ARID1B: variants seen among roughly 807,000 people sequenced by gnomAD.
The protein encoded by ARID1B is AT-rich interactive domain-containing protein 1B.
ARID1B carries 30 observed loss-of-function variants against 212.3 expected under a neutral mutation model. The ratio of observed to expected loss-of-function variants is 0.14; its 90% CI spans 0.11 to 0.19. ARID1B has a LOEUF of 0.19. Ranked by LOEUF, ARID1B falls within the 10% of genes least tolerant of loss-of-function variation. The pLI is 1.00. For synonymous variants in ARID1B, 1,402 were observed against 1,301.7 expected (o/e 1.08, Z -1.66); for missense variants, 2,891 against 3,204.0 (o/e 0.90, Z 2.36).
intron 1 of ARID1B, among the ~76,000 whole-genome samples, chr6:156,819,828 C>T (rs2128010526): frequency 6.6e-6 from 1 of 152,252 alleles, no homozygotes; most frequent in East Asian, 1.9e-4. Flanking sequence ...GAGCTGAGTT[C>T]TGCAGGAGGA....
At chr6:157,065,281 A>C (rs896525170) in intron 4 of ARID1B, among the ~76,000 whole-genome samples, 1 of 152,230 alleles carries the variant, frequency 6.6e-6, no homozygotes. Flanking sequence ...TAGTAAGGTA[A>C]AATTGCCTCT....
intron 2 of ARID1B, among the ~76,000 whole-genome samples, chr6:156,878,317 C>G (rs1268298533): frequency 1.3e-5 from 2 of 152,128 alleles, no homozygotes; most frequent in African/African-American, 4.8e-5. Flanking sequence ...TGTTGGGAAG[C>G]TCACAGAATT....
intron 14 of ARID1B, 107 bp from the exon 15 acceptor site, chr6:157,189,931 A>T: frequency 6.3e-7 from 1 of 1,577,490 alleles, no homozygotes; most frequent in Non-Finnish European, 8.6e-7. Flanking sequence ...ATTTATCTTG[A>T]ATGGTTTTTG....
At chr6:157,084,442 C>A (rs1421377087) in intron 4 of ARID1B, among the ~76,000 whole-genome samples, 1 of 152,062 alleles carries the variant, frequency 6.6e-6, no homozygotes, top group East Asian at 1.9e-4. Flanking sequence ...AAGAGAAGTA[C>A]AACTTTACTC....
intron 1 of ARID1B, among the ~76,000 whole-genome samples, chr6:156,828,524 C>T (rs1782919119): frequency 6.6e-6 from 1 of 152,200 alleles, no homozygotes; most frequent in South Asian, 2.1e-4. Flanking sequence ...CCTAGCCCTC[C>T]TGTATGACCT....
At chr6:156,894,470 A>G (rs1010447554) in intron 2 of ARID1B, among the ~76,000 whole-genome samples, 2 of 152,190 alleles carry the variant, frequency 1.3e-5, no homozygotes, top group Non-Finnish European at 2.9e-5. Flanking sequence ...TAAAATGGTC[A>G]ATTTTGTGTA....
intron 4 of ARID1B, chr6:157,023,215 G>A (rs1237971983): frequency 6.6e-6 from 1 of 152,084 alleles, no homozygotes; most frequent in Admixed American, 6.6e-5. Flanking sequence ...TCCTCACTCC[G>A]GCGCTTCCTA....
intron 1 of ARID1B, among the ~76,000 whole-genome samples, chr6:156,784,689 C>T (rs1014760939): frequency 1.4e-4 from 21 of 152,184 alleles, no homozygotes; most frequent in African/African-American, 5.1e-4. Context: ...TGTAAGTTTT[C>T]ACTAAATATG....
intron 7 of ARID1B, among the ~76,000 whole-genome samples, chr6:157,135,337 C>G (rs187992962): frequency 6.6e-6 from 1 of 152,290 alleles, no homozygotes; most frequent in Admixed American, 6.5e-5. Flanking sequence ...TTTACTGTTA[C>G]GGTAGCCCAC....
At chr6:156,828,099 G>A (rs1782882862) in intron 1 of ARID1B, among the ~76,000 whole-genome samples, 1 of 140,378 alleles carries the variant, frequency 7.1e-6, no homozygotes, top group African/African-American at 2.7e-5. Context: ...GGGTCCCACT[G>A]TGTTACCCAG....
At chr6:156,823,688 G>GTTTTTTT (rs56983474) in intron 1 of ARID1B, among the ~76,000 whole-genome samples, 12 of 118,022 alleles carry the variant, frequency 1.0e-4, no homozygotes, top group African/African-American at 2.5e-4. Context: ...TTTCTTTGTT[G>GTTTTTTT]TTTTTTTTTT....
intron 4 of ARID1B, among the ~76,000 whole-genome samples, chr6:156,991,106 C>T (rs927474): frequency 1.1e-4 from 16 of 152,138 alleles, no homozygotes; most frequent in Non-Finnish European, 1.9e-4. Context: ...CTTGACTTGC[C>T]GACTGTTGCA....
Position 157,208,004 on chromosome 6 carries a change from C to T in ARID1B, c.*113C>T, listed in dbSNP as rs1352995725. 5 of 1,157,876 alleles carry T rather than the reference C, an allele frequency of 4.3e-6. No individual in the cohort carries two copies. The highest frequency in any genetic ancestry group is 5.7e-6 in the Non-Finnish European group (5 of 875,910). 71.7% of individuals were successfully genotyped at this position (1,157,876 alleles called of 1,614,324 possible). Reference sequence around the variant, plus strand: ...AAGAAGGAAAAGAAAATCTTTGCTCCTCTGCCCCATTCACTATTTACCAAT... The same window carrying T: ...AAGAAGGAAAAGAAAATCTTTGCTCTTCTGCCCCATTCACTATTTACCAAT... On this transcript the variant is annotated 3_prime_UTR_variant, in exon 20 of 20. Coordinates refer to ENST00000636930, the MANE Select transcript of ARID1B (RefSeq NM_001374828.1).
intron 4 of ARID1B, among the ~76,000 whole-genome samples, chr6:157,072,918 T>G (rs1332359854): frequency 1.3e-5 from 2 of 152,186 alleles, no homozygotes; most frequent in Admixed American, 1.3e-4. Flanking sequence ...CCTGGGCTGG[T>G]TCCCTTCTCT....
Position 156,778,168 on chromosome 6 carries a change from CCCACCAGCAGCA to C in ARID1B, c.495_506del (p.Gln165_His168del), listed in dbSNP as rs764476277. On this transcript the variant is annotated inframe_deletion, in exon 1 of 20. Transcript: ENST00000636930. ...GTTGGCGAAGCCCCCGCCGCGCCGCCCCACCAGCAGCACCACCACCACCACCATGCCCACCAC... is the reference window on the plus strand; with the variant it reads ...GTTGGCGAAGCCCCCGCCGCGCCGCCCCACCACCACCACCATGCCCACCAC... 12 of 1,542,256 alleles carry C rather than the reference CCCACCAGCAGCA, an allele frequency of 7.8e-6. No homozygotes were observed. The highest frequency in any genetic ancestry group is 5.9e-5 in the Admixed American group (3 of 50,968).
chr6:157,022,192 G>T (rs1780353013), intron 4 of ARID1B: 1 of 151,356 alleles, frequency 6.6e-6, no homozygotes, highest in African/African-American at 2.4e-5. Context: ...GGGCCGGCGG[G>T]AGGTGGGCGG....
In ARID1B at chr6:156,906,546, CAAAAAAAAAAAAAAAA is replaced by C. The variant is rs55660810; in HGVS notation, c.2136+5035_2136+5050del. Among the ~76,000 whole-genome samples, 14 of 39,680 alleles carry C rather than the reference CAAAAAAAAAAAAAAAA, an allele frequency of 3.5e-4. No homozygotes were observed. The East Asian group carries it at 5.7e-3, about 16-fold the overall frequency. 26.0% of individuals were successfully genotyped at this position (39,680 alleles called of 152,430 possible). A position where few individuals can be genotyped will look rare whatever the true frequency, so the allele number is the denominator to read the frequency against. On this transcript the variant is annotated intron_variant, in intron 3 of 19. Transcript: ENST00000636930. ...GGCAACAAGAGCGAAACTCCATCTCCAAAAAAAAAAAAAAAAAAAAAAAAAAAAAGCACCAGCCACT... is the reference window on the plus strand; with the variant it reads ...GGCAACAAGAGCGAAACTCCATCTCCAAAAAAAAAAAAAGCACCAGCCACT...
At chr6:157,174,581 C>T (rs925980244) in intron 10 of ARID1B, among the ~76,000 whole-genome samples, 4 of 151,294 alleles carry the variant, frequency 2.6e-5, no homozygotes, top group Non-Finnish European at 5.9e-5. Flanking sequence ...CTTAGCATTC[C>T]ATGTAAGCTT....
intron 19 of ARID1B, chr6:157,205,655 A>T (rs1794389611): frequency 6.5e-6 from 1 of 154,228 alleles, no homozygotes; most frequent in Admixed American, 6.4e-5. Context: ...AACATAAATT[A>T]GGGTGACCTA....
Sources: gnomAD v4.1 joint callset for allele counts (sites outside exome capture counted in the v4.1 genomes callset) on GRCh38, gnomAD v4.1.1 for gene constraint, MANE v1.5 for transcripts, NCBI Gene and HGNC (gene_info 2026-07-23, HGNC 2026-07-21) for gene names.